Variants in APOBEC3H observed in about 807,000 individuals in gnomAD.
APOBEC3H encodes apolipoprotein B mRNA editing enzyme catalytic subunit 3H.
A neutral mutation model predicts 21.2 loss-of-function variants in APOBEC3H; 8 were observed. That is an observed-to-expected ratio of 0.38 (90% confidence interval 0.22 to 0.68). The LOEUF (loss-of-function observed/expected upper bound fraction) is 0.68, where lower values mean the gene tolerates loss of function less well. Ranked by LOEUF, APOBEC3H falls within the 30% of genes least tolerant of loss-of-function variation. APOBEC3H has a pLI of 0.52. For synonymous variants in APOBEC3H, 88 were observed against 91.0 expected, an observed-to-expected ratio of 0.97 and a Z score of 0.19; for missense variants, 229 against 228.1, an observed-to-expected ratio of 1.00 and a Z score of -0.03.
Position 39,100,268 on chromosome 22 carries a change from A to T in APOBEC3H, c.-7-4A>T, listed in dbSNP as rs1438270513. Reference sequence around the variant, plus strand: ...TCTTTGGTTTTCCCCTTTCTGTTGCACAGAAACACGATGGCTCTGTTAACA... The same window carrying T: ...TCTTTGGTTTTCCCCTTTCTGTTGCTCAGAAACACGATGGCTCTGTTAACA... On this transcript the variant is annotated splice_region_variant and splice_polypyrimidine_tract_variant and intron_variant, in intron 1 of 4. Transcript: ENST00000442487. The T allele has an allele frequency of 6.2e-7, 1 of 1,609,030 alleles. No individual in the cohort carries two copies. Among genetic ancestry groups the T allele is most frequent in the Non-Finnish European group, 8.5e-7 (1 of 1,175,694 alleles).
chr22:39,102,014 C>A lies in APOBEC3H; in HGVS notation c.515C>A (p.Ala172Asp), dbSNP rs1156232670. ...MLEELDKNSRAIKRRLERIKQ... is the reference protein window; with the variant it reads ...MLEELDKNSRDIKRRLERIKQ... ...GAGGAGCTAGATAAAAACAGTCGAG[C>A]CATAAAGCGACGGCTTGAGAGGATA... Residue 172 changes from alanine to aspartate, a missense_variant, in exon 4 of 5, where the codon GCC becomes GAC. Ala to Asp is a moderately radical substitution (Grantham distance 126). Transcript: ENST00000442487. 16 of 1,613,754 alleles carry A rather than the reference C, an allele frequency of 9.9e-6. No homozygotes were observed. The highest frequency in any genetic ancestry group is 3.3e-5 in the Admixed American group (2 of 59,944).
At chr22:39,101,135 T>G in intron 2 of APOBEC3H, 102 bp from the exon 3 acceptor site, 3 of 406,220 alleles carry the variant, frequency 7.4e-6, no homozygotes, top group Non-Finnish European at 4.6e-6. Context: ...CAGACCCCTC[T>G]GCCCCCCCAT....
At chr22:39,100,541 C>T (rs773007104) in intron 2 of APOBEC3H, 113 bp downstream of exon 2, 14 of 1,403,972 alleles carry the variant, frequency 1.0e-5, no homozygotes, top group Non-Finnish European at 1.3e-5. Flanking sequence ...ATGTAACACC[C>T]TCTGTGTTTT....
intron 1 of APOBEC3H, 34 bp downstream of exon 1, chr22:39,097,377 G>C (rs916378421): frequency 2.0e-5 from 3 of 152,984 alleles, no homozygotes; most frequent in African/African-American, 7.2e-5. Context: ...TGGGCCCTCT[G>C]CTGCCACTTC....
chr22:39,102,948 G>C (rs1929453674), intron 4 of APOBEC3H, among the ~76,000 whole-genome samples: 1 of 119,040 alleles, frequency 8.4e-6, no homozygotes, highest in Admixed American at 1.2e-4. Context: ...GGGCAACAAA[G>C]CAAGACTCTG....
chr22:39,103,693 C>T lies in APOBEC3H; in HGVS notation c.548C>T (p.Ser183Phe), dbSNP rs200886104. 2 of 1,613,990 alleles carry T rather than the reference C, an allele frequency of 1.2e-6. No individual in the cohort carries two copies. Among genetic ancestry groups the T allele is most frequent in the African/African-American group, 1.3e-5 (1 of 74,916 alleles). The change falls in exon 5 of 5, where the codon TCC (serine) becomes TTC (phenylalanine). Residue 183 changes from serine to phenylalanine, a missense_variant. Ser to Phe is a radical substitution (Grantham distance 155). Transcript: ENST00000442487. ...ACTTCTCTCTTTCCCTCTCAGCAGT[C>T]CTGAAGTGTGGATGTTTTAGAGAAT... Reference protein sequence around the residue: ...IKRRLERIKQS With the variant: ...IKRRLERIKQF
intron 2 of APOBEC3H, 107 bp downstream of exon 2, chr22:39,100,535 A>C: frequency 4.2e-6 from 6 of 1,434,298 alleles, no homozygotes; most frequent in Non-Finnish European, 4.7e-6. Context: ...TTTTTGATGT[A>C]ACACCCTCTG....
intron 1 of APOBEC3H, among the ~76,000 whole-genome samples, chr22:39,099,843 C>G (rs138221892): frequency 6.6e-6 from 1 of 152,022 alleles, no homozygotes; most frequent in Non-Finnish European, 1.5e-5. Flanking sequence ...AGGGGAGACC[C>G]TCCCTCACCA....
chr22:39,098,691 C>A (rs755758901), intron 1 of APOBEC3H, among the ~76,000 whole-genome samples: 1 of 152,126 alleles, frequency 6.6e-6, no homozygotes, highest in Non-Finnish European at 1.5e-5. Flanking sequence ...GAGGTCACCC[C>A]GGCCCTGCTG....
chr22:39,102,491 G>A lies in APOBEC3H; in HGVS notation c.543+449G>A, dbSNP rs78710950. On this transcript the variant is annotated intron_variant, in intron 4 of 4. Coordinates refer to ENST00000442487, the MANE Select transcript of APOBEC3H (RefSeq NM_181773.5). ...TTTTGTGTTCTCCTCTCGCACCAGG[G>A]GCTCCTTCTTGTTCTTTTAGATTCC... 1,680 of 718,130 alleles carry A rather than the reference G, an allele frequency of 2.3e-3. 28 individuals are homozygous for A. The African/African-American group carries it at 0.027, about 12-fold the overall frequency. The allele number at this position is 718,130 out of a possible 1,614,324, so 44.5% of individuals were successfully genotyped here.
At chr22:39,101,142 C>CCA in intron 2 of APOBEC3H, 95 bp from the exon 3 acceptor site, 5 of 380,610 alleles carry the variant, frequency 1.3e-5, no homozygotes, top group South Asian at 4.9e-5. Context: ...CTCTGCCCCC[C>CCA]CATCCCCGCC....
intron 1 of APOBEC3H, among the ~76,000 whole-genome samples, chr22:39,099,905 G>A (rs1478311720): frequency 1.3e-5 from 2 of 152,226 alleles, no homozygotes; most frequent in African/African-American, 4.8e-5. Context: ...GGGCGCAGGG[G>A]CTCACACCTG....
At chr22:39,099,373 CA>C (rs1262598400) in intron 1 of APOBEC3H, among the ~76,000 whole-genome samples, 1 of 152,222 alleles carries the variant, frequency 6.6e-6, no homozygotes, top group Non-Finnish European at 1.5e-5. Flanking sequence ...TCTGTGCAGA[CA>C]AACTTGTCAA....
Position 39,101,479 on chromosome 22 carries a change from C to T in APOBEC3H, c.393C>T (p.Val131=), listed in dbSNP as rs752327643. 9 of 1,609,182 alleles carry T rather than the reference C, an allele frequency of 5.6e-6. No homozygotes were observed. The highest frequency in any genetic ancestry group is 2.2e-5 in the South Asian group (2 of 90,760). The change falls in exon 3 of 5, where the codon GTC becomes GTT. Residue 131 remains valine, a synonymous_variant. Coordinates refer to ENST00000442487, the MANE Select transcript of APOBEC3H (RefSeq NM_181773.5). ...KGLRLLCGSQ[V]PVEVMGFPEF... is the part of the protein sequence containing the mutation. ...TGCGGCTTCTGTGTGGATCCCAGGT[C>T]CCGGTGGAGGTCATGGGCTTCCCAG...
rs533272067 is a variant in APOBEC3H at position 39,100,634 on chromosome 22, G to A, written c.150+206G>A. The A allele has an allele frequency of 4.6e-5, 28 of 614,652 alleles. No individual in the cohort carries two copies. The East Asian group carries it at 5.4e-4, about 12-fold the overall frequency. 38.1% of individuals were successfully genotyped at this position (614,652 alleles called of 1,614,324 possible). A position where few individuals can be genotyped will look rare whatever the true frequency, so the allele number is the denominator to read the frequency against. On this transcript the variant is annotated intron_variant, in intron 2 of 4. Coordinates refer to ENST00000442487, the MANE Select transcript of APOBEC3H (RefSeq NM_181773.5). ...CCCTAGGACACTCCCATTCTTTCCC[G>A]TCCCCGGACCTCTGAAGAGGCCAAC...
In APOBEC3H at chr22:39,101,294, G is replaced by A. The variant is rs947813764; in HGVS notation, c.208G>A (p.Glu70Lys). ...INEIKSMGLD[E>K]TQCYQVTCYL... ...CGAGATCAAGTCCATGGGACTGGACGAAACGCAGTGCTACCAAGTCACCTG... is the reference window on the plus strand; with the variant it reads ...CGAGATCAAGTCCATGGGACTGGACAAAACGCAGTGCTACCAAGTCACCTG... The change falls in exon 3 of 5, where the codon GAA (glutamate) becomes AAA (lysine). Residue 70 changes from glutamate to lysine, a missense_variant. Physicochemically the swap from Glu to Lys is moderately conservative, Grantham distance 56. Coordinates refer to ENST00000442487, the MANE Select transcript of APOBEC3H (RefSeq NM_181773.5). 3.0e-5 allele frequency: 49 copies of A among 1,613,450 alleles called. No individual in the cohort carries two copies. Among genetic ancestry groups the A allele is most frequent in the Non-Finnish European group, 3.5e-5 (41 of 1,179,942 alleles).
At position 39,103,836 on chromosome 22, in the gene APOBEC3H, C is replaced by G. The variant is rs779801842; in HGVS notation, c.*139C>G. ...AGCCTGCTGGTCCTGTAAGCAAGCA[C>G]TAAGCTCCACAGTGCCAGTTCCTTG... is the stretch of plus-strand genomic sequence containing the variant. On this transcript the variant is annotated 3_prime_UTR_variant, in exon 5 of 5. Transcript: ENST00000442487. 1 of 1,097,374 alleles carries G rather than the reference C, an allele frequency of 9.1e-7. No individual in the cohort carries two copies. The highest frequency in any genetic ancestry group is 1.4e-6 in the Non-Finnish European group (1 of 712,244). The allele number at this position is 1,097,374 out of a possible 1,614,324, so 68.0% of individuals were successfully genotyped here. A position where few individuals can be genotyped will look rare whatever the true frequency, so the allele number is the denominator to read the frequency against.
intron 4 of APOBEC3H, chr22:39,102,463 C>G (rs1569095305): frequency 1.4e-6 from 1 of 707,044 alleles, no homozygotes; most frequent in Non-Finnish European, 2.6e-6. Flanking sequence ...CTACCTGTTT[C>G]TTTTTTGTGT....
Position 39,102,628 on chromosome 22 carries a change from C to G in APOBEC3H, c.543+586C>G, listed in dbSNP as rs1170108017. ...TAGGTAGTTTTTCAACCCTGGCCCC[C>G]CTCCCACCCTCTCTTCTTTTGGAGT... On this transcript the variant is annotated intron_variant, in intron 4 of 4. Coordinates refer to ENST00000442487, the MANE Select transcript of APOBEC3H (RefSeq NM_181773.5). 9 of 709,880 alleles carry G rather than the reference C, an allele frequency of 1.3e-5. No homozygotes were observed. The Admixed American group carries it at 1.4e-4, about 11-fold the overall frequency. 44.0% of individuals were successfully genotyped at this position (709,880 alleles called of 1,614,324 possible).
Sources: gnomAD v4.1 joint callset for allele counts (sites outside exome capture counted in the v4.1 genomes callset) on GRCh38, gnomAD v4.1.1 for gene constraint, MANE v1.5 for transcripts, NCBI Gene and HGNC (gene_info 2026-07-23, HGNC 2026-07-21) for gene names.